ADARB2: variants seen among roughly 807,000 people sequenced by gnomAD.
ADARB2 encodes the protein adenosine deaminase RNA specific B2 (inactive).
ADARB2 carries 25 observed loss-of-function variants against 62.2 expected under a neutral mutation model. The observed-to-expected ratio is 0.40, with a 90% CI of 0.29 to 0.56. The LOEUF (loss-of-function observed/expected upper bound fraction) is 0.56. Ranked by LOEUF, ADARB2 falls within the 20% of genes least tolerant of loss-of-function variation. The pLI is 0.43. For synonymous variants in ADARB2, 572 were observed against 500.8 expected (o/e 1.14, Z -1.90); for missense variants, 1,071 against 1,077.4 (o/e 0.99, Z 0.08).
At chr10:1,402,699 C>T (rs1410654560) in intron 1 of ADARB2, among the ~76,000 whole-genome samples, 1 of 152,038 alleles carries the variant, frequency 6.6e-6, no homozygotes, top group African/African-American at 2.4e-5. Flanking sequence ...CTCCCTGGGG[C>T]CACCCCTCCT....
intron 6 of ADARB2, among the ~76,000 whole-genome samples, chr10:1,226,852 G>A (rs1210722607): frequency 1.4e-5 from 1 of 70,636 alleles, no homozygotes; most frequent in African/African-American, 7.0e-5. Flanking sequence ...AGGCTACTCG[G>A]GGGTCAGGTG....
At chr10:1,333,393 G>A (rs773190723) in intron 3 of ADARB2, among the ~76,000 whole-genome samples, 8 of 152,184 alleles carry the variant, frequency 5.3e-5, no homozygotes, top group Non-Finnish European at 8.8e-5. Flanking sequence ...GTCACTTGCT[G>A]AAAGAAGGCC....
intron 1 of ADARB2, among the ~76,000 whole-genome samples, chr10:1,726,556 A>G (rs1835166755): frequency 6.6e-6 from 1 of 152,076 alleles, no homozygotes; most frequent in African/African-American, 2.4e-5. Context: ...GCTTCACATG[A>G]CCGACCTCCA....
chr10:1,268,112 CATA>C (rs1258797017), intron 4 of ADARB2, among the ~76,000 whole-genome samples: 2 of 151,992 alleles, frequency 1.3e-5, no homozygotes, highest in African/African-American at 4.8e-5. Flanking sequence ...ACATTACAAA[CATA>C]ATAATGGAAA....
At chr10:1,349,727 A>C (rs959192261) in intron 3 of ADARB2, among the ~76,000 whole-genome samples, 1 of 152,096 alleles carries the variant, frequency 6.6e-6, no homozygotes, top group Non-Finnish European at 1.5e-5. Flanking sequence ...TTATCCATTG[A>C]CCCAAAACTC....
chr10:1,695,880 ACACACACATGCATGAGGG>A (rs1167704765), intron 1 of ADARB2, among the ~76,000 whole-genome samples: 2 of 151,750 alleles, frequency 1.3e-5, no homozygotes, highest in African/African-American at 4.8e-5. Flanking sequence ...ATGCATGAGG[ACACACACATGCATGAGGG>A]CACACACGTG....
At chr10:1,526,162 C>T (rs1007109253) in intron 1 of ADARB2, among the ~76,000 whole-genome samples, 3 of 151,584 alleles carry the variant, frequency 2.0e-5, no homozygotes, top group Non-Finnish European at 4.4e-5. Flanking sequence ...TGCGCGGCTG[C>T]TCCTGGGATT....
intron 1 of ADARB2, among the ~76,000 whole-genome samples, chr10:1,625,939 C>T (rs1021254296): frequency 5.8e-5 from 5 of 86,030 alleles, no homozygotes; most frequent in African/African-American, 2.5e-4. Context: ...ACACAGGCCT[C>T]CAGTGGACCT....
intron 1 of ADARB2, among the ~76,000 whole-genome samples, chr10:1,405,382 A>G (rs1044607232): frequency 4.6e-5 from 7 of 152,166 alleles, no homozygotes; most frequent in Non-Finnish European, 1.0e-4. Flanking sequence ...ACAAAATGAG[A>G]GATCTCCAGA....
intron 1 of ADARB2, among the ~76,000 whole-genome samples, chr10:1,645,543 G>A (rs1156250541): frequency 6.6e-6 from 1 of 152,210 alleles, no homozygotes; most frequent in African/African-American, 2.4e-5. Flanking sequence ...AACTCTGATT[G>A]TGACAGCTTC....
chr10:1,251,809 C>T (rs1463904630), intron 4 of ADARB2, among the ~76,000 whole-genome samples: 17 of 152,232 alleles, frequency 1.1e-4, no homozygotes, highest in Non-Finnish European at 2.2e-4. Flanking sequence ...AGACAGAGTC[C>T]AGCCCTCTTA....
At chr10:1,486,210 C>CTGTGTGTGTGTGTGTGTG (rs61283089) in intron 1 of ADARB2, among the ~76,000 whole-genome samples, 99 of 142,948 alleles carry the variant, frequency 6.9e-4, no homozygotes, top group African/African-American at 2.3e-3. Flanking sequence ...GTGTGGACGC[C>CTGTGTGTGTGTGTGTGTG]TGTGTGTGTG....
intron 1 of ADARB2, among the ~76,000 whole-genome samples, chr10:1,612,740 T>G (rs533615807): frequency 3.9e-5 from 6 of 152,338 alleles, no homozygotes; most frequent in African/African-American, 1.4e-4. Context: ...GTTATTTATT[T>G]GTTTATTTGG....
At chr10:1,194,492 T>C (rs1394678186) in intron 8 of ADARB2, among the ~76,000 whole-genome samples, 2 of 151,208 alleles carry the variant, frequency 1.3e-5, no homozygotes, top group Non-Finnish European at 2.9e-5. Context: ...GTCATCTATC[T>C]ATCATCTATC....
chr10:1,415,494 G>GTGGTCAATGACAA (rs1554761249), intron 1 of ADARB2, among the ~76,000 whole-genome samples: 7 of 31,414 alleles, frequency 2.2e-4, no homozygotes, highest in Non-Finnish European at 6.7e-4. Flanking sequence ...ACATGAGTTG[G>GTGGTCAATGACAA]CCAGATAAAC....
intron 1 of ADARB2, among the ~76,000 whole-genome samples, chr10:1,650,894 T>C (rs1050609617): frequency 6.6e-6 from 1 of 152,106 alleles, no homozygotes; most frequent in Non-Finnish European, 1.5e-5. Context: ...GTGTCCGAGA[T>C]GGTGGAGCAG....
intron 6 of ADARB2, among the ~76,000 whole-genome samples, chr10:1,221,436 C>T (rs113280527): frequency 1.7e-3 from 258 of 149,366 alleles, no homozygotes; most frequent in African/African-American, 6.0e-3. Flanking sequence ...TATTATTATA[C>T]TTTAAGTTTT....
At chr10:1,685,613 T>A (rs1210634927) in intron 1 of ADARB2, among the ~76,000 whole-genome samples, 1 of 152,132 alleles carries the variant, frequency 6.6e-6, no homozygotes, top group Admixed American at 6.5e-5. Flanking sequence ...CATTGTTAGG[T>A]TTTTGCTTAC....
chr10:1,469,972 C>G (rs749584978), intron 1 of ADARB2, among the ~76,000 whole-genome samples: 5 of 152,150 alleles, frequency 3.3e-5, no homozygotes, highest in Non-Finnish European at 7.4e-5. Context: ...AAGTGTCATT[C>G]CAGGGGGCAT....
Sources: allele counts gnomAD v4.1 joint callset (sites outside exome capture counted in the v4.1 genomes callset), GRCh38; gene constraint gnomAD v4.1.1; transcripts MANE v1.5; gene names NCBI Gene and HGNC (gene_info 2026-07-23, HGNC 2026-07-21).